GPX5: variants seen among roughly 807,000 people sequenced by gnomAD.
GPX5 encodes the protein glutathione peroxidase 5.
In GPX5, 20 loss-of-function variants were observed where a neutral mutation model predicts 23.8. That is an observed-to-expected ratio of 0.84 (90% CI 0.59 to 1.22). The LOEUF (loss-of-function observed/expected upper bound fraction) is 1.22, where lower values mean the gene tolerates loss of function less well. Ranked by LOEUF, GPX5 falls within the 50% of genes most tolerant of loss-of-function variation. GPX5 has a pLI of 0.00. For synonymous variants in GPX5, 92 were observed against 99.5 expected, an observed-to-expected ratio of 0.92 and a Z score of 0.45; for missense variants, 230 against 266.6, an observed-to-expected ratio of 0.86 and a Z score of 0.96.
chr6:28,528,032 A>G (rs947450519), intron 1 of GPX5: 1 of 152,208 alleles, frequency 6.6e-6, no homozygotes, highest in African/African-American at 2.4e-5. Flanking sequence ...AAGGAATGGG[A>G]TAGGTGGAAT....
At chr6:28,531,198 G>T (rs949506541) in intron 2 of GPX5, among the ~76,000 whole-genome samples, 3 of 132,712 alleles carry the variant, frequency 2.3e-5, no homozygotes, top group Non-Finnish European at 5.0e-5. Flanking sequence ...GCGAAACCCC[G>T]TCTCTACTAA....
chr6:28,534,220 C>G lies in GPX5; in HGVS notation c.*53C>G, dbSNP rs1763383012. 7.9e-7 allele frequency: 1 copy of G among 1,272,870 alleles called. No individual in the cohort carries two copies. The highest frequency in any genetic ancestry group is 1.5e-5 in the African/African-American group (1 of 66,536). The allele number at this position is 1,272,870 out of a possible 1,614,324, so 78.8% of individuals were successfully genotyped here. On this transcript the variant is annotated 3_prime_UTR_variant, in exon 5 of 5. Coordinates refer to ENST00000412168, the MANE Select transcript of GPX5 (RefSeq NM_001509.3). ...CCTACTTCTCACCTAATGACTTGCT[C>G]TCCCCACCCCTCCAAAAAAAAGGAA...
At chr6:28,530,731 TCA>T (rs1763297159) in intron 2 of GPX5, among the ~76,000 whole-genome samples, 1 of 152,214 alleles carries the variant, frequency 6.6e-6, no homozygotes, top group South Asian at 2.1e-4. Context: ...ATCGATTTAT[TCA>T]GTTTCCACCC....
At chr6:28,526,552 CAG>C (rs1003308668) in intron 1 of GPX5, among the ~76,000 whole-genome samples, 1 of 151,796 alleles carries the variant, frequency 6.6e-6, no homozygotes, top group African/African-American at 2.4e-5. Context: ...TGGATAAAAT[CAG>C]AGAGTTATCA....
In GPX5 at chr6:28,534,090, C is replaced by T. The variant is rs765613212; in HGVS notation, c.589C>T (p.Arg197Cys). The change falls in exon 5 of 5, where the codon CGC (arginine) becomes TGC (cysteine). Residue 197 changes from arginine (R) to cysteine (C), a missense_variant. Arg to Cys is a radical substitution (Grantham distance 180). Coordinates refer to ENST00000412168, the MANE Select transcript of GPX5 (RefSeq NM_001509.3). ...LVGPDGIPVMRWSHRATVSSV... is the reference protein window; with the variant it reads ...LVGPDGIPVMCWSHRATVSSV... Reference sequence around the variant, plus strand: ...GGGGCCTGATGGAATCCCTGTCATGCGCTGGTCCCACCGGGCTACGGTCAG... The same window carrying T: ...GGGGCCTGATGGAATCCCTGTCATGTGCTGGTCCCACCGGGCTACGGTCAG... 4.3e-6 allele frequency: 7 copies of T among 1,612,050 alleles called. No homozygotes were observed. The highest frequency in any genetic ancestry group is 2.2e-5 in the East Asian group (1 of 44,812).
intron 2 of GPX5, among the ~76,000 whole-genome samples, chr6:28,531,415 AAAAGAAAAGAAAAGT>A: frequency 4.2e-5 from 6 of 142,966 alleles, no homozygotes; most frequent in East Asian, 2.3e-4. Context: ...AAAAGAAAAG[AAAAGAAAAGAAAAGT>A]CACCTGTTGA....
chr6:28,527,044 G>A (rs1177350728), intron 1 of GPX5: 1 of 152,226 alleles, frequency 6.6e-6, no homozygotes, highest in African/African-American at 2.4e-5. Flanking sequence ...GCTTAATTGA[G>A]TGTGGAGACT....
chr6:28,530,823 TA>T (rs1324627786), intron 2 of GPX5, among the ~76,000 whole-genome samples: 3 of 152,146 alleles, frequency 2.0e-5, no homozygotes, highest in South Asian at 2.1e-4. Context: ...CTCTGTTTTT[TA>T]AAAAGGCCTA....
Position 28,531,870 on chromosome 6 carries a change from A to G in GPX5, c.334A>G (p.Asn112Asp). ...ATTTGGAAAGCAAGAACCAGGAGAT[A>G]ACAAAGAGATTCTTCCTGGGCTCAA... The part of the protein sequence containing the change: ...NQFGKQEPGD[N>D]KEILPGLKYV... The change falls in exon 3 of 5, where the codon AAC becomes GAC. Residue 112 changes from asparagine to aspartate, a missense_variant. By Grantham distance (23) the Asn-to-Asp change is conservative. Coordinates refer to ENST00000412168, the MANE Select transcript of GPX5 (RefSeq NM_001509.3). 6.2e-7 allele frequency: 1 copy of G among 1,613,622 alleles called. No individual in the cohort carries two copies. Among genetic ancestry groups the G allele is most frequent in the Non-Finnish European group, 8.5e-7 (1 of 1,179,554 alleles).
rs1763386790 is a variant in GPX5, at chr6:28,534,432, T to G, written c.*265T>G. On this transcript the variant is annotated 3_prime_UTR_variant, in exon 5 of 5. Transcript: ENST00000412168. ...GAAACCTAAAATCCCCAGACCTCTG[T>G]TACAGGTTGAATCATTCATATCCAC... The G allele has an allele frequency of 2.7e-6, 1 of 370,606 alleles. No individual in the cohort carries two copies. Among genetic ancestry groups the G allele is most frequent in the Non-Finnish European group, 4.8e-6 (1 of 207,508 alleles). The allele number at this position is 370,606 out of a possible 1,614,324, so 23.0% of individuals were successfully genotyped here. A position where few individuals can be genotyped will look rare whatever the true frequency, so the allele number is the denominator to read the frequency against.
rs1763392157 is a variant in GPX5, at chr6:28,534,616, T to C, written c.*449T>C. On this transcript the variant is annotated 3_prime_UTR_variant, in exon 5 of 5. Coordinates refer to ENST00000412168, the MANE Select transcript of GPX5 (RefSeq NM_001509.3). ...AATTTAGGTTCCACTTCATAACATT[T>C]TTTGTCTCCTAGGACAAACGTGTAT... The C allele has an allele frequency of 6.4e-6, 1 of 155,834 alleles. No homozygotes were observed. The allele number at this position is 155,834 out of a possible 1,614,324, so 9.7% of individuals were successfully genotyped here. A position where few individuals can be genotyped will look rare whatever the true frequency, so the allele number is the denominator to read the frequency against.
Position 28,531,393 on chromosome 6 carries a change from AG to A in GPX5, c.242-384del, listed in dbSNP as rs1329038602. On this transcript the variant is annotated intron_variant, in intron 2 of 4. Transcript: ENST00000412168. ...CTCAAAAAAAAAAAAAAAAAAAAAAAGAAAAGAAAAGAAAAGAAAAGAAAAG... is the reference window on the plus strand; with the variant it reads ...CTCAAAAAAAAAAAAAAAAAAAAAAAAAAAGAAAAGAAAAGAAAAGAAAAG... Among the ~76,000 whole-genome samples, 297 of 54,726 alleles carry A rather than the reference AG, an allele frequency of 5.4e-3. 2 individuals are homozygous for A. Among genetic ancestry groups the A allele is most frequent in the Non-Finnish European group, 6.8e-3 (189 of 27,610 alleles). 35.9% of individuals were successfully genotyped at this position (54,726 alleles called of 152,430 possible). A position where few individuals can be genotyped will look rare whatever the true frequency, so the allele number is the denominator to read the frequency against.
chr6:28,532,065 A>ACT (rs1763335142), intron 3 of GPX5, among the ~76,000 whole-genome samples, 170 bp downstream of exon 3: 1 of 151,620 alleles, frequency 6.6e-6, no homozygotes, highest in African/African-American at 2.4e-5. Context: ...CAGTTTCCAG[A>ACT]CTCTCTCTCC....
chr6:28,526,339 C>A (rs1237336861), intron 1 of GPX5, among the ~76,000 whole-genome samples: 1 of 152,082 alleles, frequency 6.6e-6, no homozygotes, highest in African/African-American at 2.4e-5. Context: ...GTCTCCATAC[C>A]TTCTTCAGGT....
At chr6:28,529,267 G>A (rs1248625054) in intron 1 of GPX5, 184 bp from the exon 2 acceptor site, 3 of 453,990 alleles carry the variant, frequency 6.6e-6, no homozygotes, top group Non-Finnish European at 1.2e-5. Flanking sequence ...TGGCTTATGA[G>A]ACTTGATTTT....
chr6:28,530,813 C>A (rs565988151), intron 2 of GPX5, among the ~76,000 whole-genome samples: 49 of 152,296 alleles, frequency 3.2e-4, no homozygotes, highest in African/African-American at 1.1e-3. Context: ...GGAAGGCAAT[C>A]TCTGTTTTTT....
intron 2 of GPX5, among the ~76,000 whole-genome samples, chr6:28,531,289 T>C (rs1763307696): frequency 6.9e-6 from 1 of 145,832 alleles, no homozygotes; most frequent in Non-Finnish European, 1.5e-5. Flanking sequence ...GAGAATCACT[T>C]GGATCTGGGA....
intron 1 of GPX5, 122 bp downstream of exon 1, chr6:28,526,222 C>A: frequency 1.3e-6 from 1 of 764,008 alleles, no homozygotes; most frequent in Non-Finnish European, 2.2e-6. Flanking sequence ...TTCCCCTAAA[C>A]CTTGCTTTTT....
chr6:28,529,423 G>A (rs868156901), intron 1 of GPX5, 28 bp from the exon 2 acceptor site: 1 of 1,580,816 alleles, frequency 6.3e-7, no homozygotes, highest in African/African-American at 1.3e-5. Context: ...ATTGTTACCA[G>A]TATTATCACT....
Sources: allele counts gnomAD v4.1 joint callset (sites outside exome capture counted in the v4.1 genomes callset), GRCh38; gene constraint gnomAD v4.1.1; transcripts MANE v1.5; gene names NCBI Gene and HGNC (gene_info 2026-07-23, HGNC 2026-07-21).